SYNDIG1: variants seen among roughly 807,000 people sequenced by gnomAD.
SYNDIG1 encodes synapse differentiation inducing 1.
Under a neutral mutation model 19.4 loss-of-function variants are expected in SYNDIG1, and 9 were observed. The observed-to-expected ratio is 0.46, with a 90% CI of 0.28 to 0.81. SYNDIG1 has a LOEUF of 0.81. Ranked by LOEUF, SYNDIG1 falls within the 30% of genes least tolerant of loss-of-function variation. SYNDIG1 has a pLI of 0.12. For synonymous variants in SYNDIG1, 141 were observed against 145.9 expected (o/e 0.97, Z 0.24); for missense variants, 311 against 343.3 (o/e 0.91, Z 0.74).
At chr20:24,559,443 G>A (rs1365706656) in intron 2 of SYNDIG1, among the ~76,000 whole-genome samples, 1 of 152,084 alleles carries the variant, frequency 6.6e-6, no homozygotes, top group South Asian at 2.1e-4. Context: ...CCATAAATGT[G>A]TACAAATAAA....
chr20:24,588,151 A>C (rs1049541514), intron 3 of SYNDIG1, among the ~76,000 whole-genome samples: 3 of 152,104 alleles, frequency 2.0e-5, no homozygotes, highest in African/African-American at 7.2e-5. Flanking sequence ...AATGATTTCC[A>C]GGGTGTGCGG....
rs2147321574 is a variant in SYNDIG1, at chr20:24,636,148, A to G, written c.619-29198A>G. On this transcript the variant is annotated intron_variant, in intron 3 of 3. Transcript: ENST00000376862. ...AGTTTATATCCATATTTGCCGGTAT[A>G]TGAGACTGGGCTGCAAATAGGGTAC... Among the ~76,000 whole-genome samples the G allele has an allele frequency of 1.3e-5, 2 of 152,312 alleles. 1 individual carries two copies. The highest frequency in any genetic ancestry group is 4.1e-4 in the South Asian group (2 of 4,828).
chr20:24,584,981 C>A lies in SYNDIG1; in HGVS notation c.606C>A (p.Tyr202Ter), dbSNP rs753567279. ...CFWPLGIAAFYLSHETNKAVA... is the reference protein window; with the variant it reads ...CFWPLGIAAF ...GGCCTCTGGGCATCGCAGCCTTCTA[C>A]TTGTCCCATGAGGTAAGGCCTCCTT... is the stretch of plus-strand genomic sequence containing the variant. Residue 202 changes from tyrosine (Y) to a stop codon, truncating the protein, a stop_gained, in exon 3 of 4, where the codon TAC (tyrosine) becomes TAA (stop). Coordinates refer to ENST00000376862, the MANE Select transcript of SYNDIG1 (RefSeq NM_024893.3). LOFTEE classifies it high-confidence loss of function. 1 of 1,605,736 alleles carries A rather than the reference C, an allele frequency of 6.2e-7. No individual in the cohort carries two copies. The highest frequency in any genetic ancestry group is 8.5e-7 in the Non-Finnish European group (1 of 1,175,666).
chr20:24,627,108 G>A (rs2147269666), intron 3 of SYNDIG1, among the ~76,000 whole-genome samples: 1 of 151,440 alleles, frequency 6.6e-6, no homozygotes, highest in South Asian at 2.1e-4. Flanking sequence ...GGGGACCGTG[G>A]GGAGAGGGGG....
chr20:24,613,598 A>G (rs1182759644), intron 3 of SYNDIG1, among the ~76,000 whole-genome samples: 1 of 151,774 alleles, frequency 6.6e-6, no homozygotes, highest in Non-Finnish European at 1.5e-5. Flanking sequence ...GCACCTCCAC[A>G]CAGAGGCTCT....
rs1440359359 is a variant in SYNDIG1, at chr20:24,666,273, G to T, written c.*769G>T. 1 of 152,646 alleles carries T rather than the reference G, an allele frequency of 6.6e-6. No homozygotes were observed. The highest frequency in any genetic ancestry group is 1.9e-4 in the East Asian group (1 of 5,182). The allele number at this position is 152,646 out of a possible 1,614,324, so 9.5% of individuals were successfully genotyped here. A position where few individuals can be genotyped will look rare whatever the true frequency, so the allele number is the denominator to read the frequency against. On this transcript the variant is annotated 3_prime_UTR_variant, in exon 4 of 4. Transcript: ENST00000376862. The stretch of plus-strand genomic sequence containing the variant: ...CTCCTCAAGAAAGAGCCCCGCGGTT[G>T]CTCCGGAAACTCGAGGCACTGCAGC...
intron 2 of SYNDIG1, among the ~76,000 whole-genome samples, chr20:24,566,239 C>G (rs1022370565): frequency 1.3e-5 from 2 of 152,174 alleles, no homozygotes; most frequent in Admixed American, 1.3e-4. Context: ...CACAGGCTCC[C>G]TGAGGAGCAG....
At chr20:24,590,668 T>G (rs545457291) in intron 3 of SYNDIG1, among the ~76,000 whole-genome samples, 3 of 152,138 alleles carry the variant, frequency 2.0e-5, no homozygotes, top group Admixed American at 2.0e-4. Flanking sequence ...GACCAGGGGT[T>G]TCCTGCAGCC....
At chr20:24,522,718 G>T (rs1054678041) in intron 1 of SYNDIG1, among the ~76,000 whole-genome samples, 15 of 152,122 alleles carry the variant, frequency 9.9e-5, no homozygotes, top group Non-Finnish European at 1.8e-4. Flanking sequence ...AAGAAAAGAG[G>T]CTTATTTGGC....
intron 3 of SYNDIG1, among the ~76,000 whole-genome samples, chr20:24,587,247 T>A (rs2058432098): frequency 6.6e-6 from 1 of 152,314 alleles, no homozygotes; most frequent in African/African-American, 2.4e-5. Flanking sequence ...GCCTCCCTTT[T>A]CAGTGTGCTT....
At chr20:24,500,342 A>T (rs1228631218) in intron 1 of SYNDIG1, among the ~76,000 whole-genome samples, 1 of 152,170 alleles carries the variant, frequency 6.6e-6, no homozygotes, top group Non-Finnish European at 1.5e-5. Flanking sequence ...CAAAGAAAGG[A>T]TGGAGTCCTT....
chr20:24,479,863 C>T (rs2055747121), intron 1 of SYNDIG1, among the ~76,000 whole-genome samples: 1 of 152,154 alleles, frequency 6.6e-6, no homozygotes, highest in African/African-American at 2.4e-5. Flanking sequence ...GCAAGGCTGT[C>T]CTGTCAGTCC....
intron 1 of SYNDIG1, among the ~76,000 whole-genome samples, chr20:24,482,575 C>T (rs2055829490): frequency 1.3e-5 from 2 of 152,102 alleles, no homozygotes; most frequent in Non-Finnish European, 2.9e-5. Context: ...TGTGGCCACA[C>T]AACAGAACCA....
intron 2 of SYNDIG1, among the ~76,000 whole-genome samples, chr20:24,547,912 G>A (rs188554797): frequency 1.8e-4 from 27 of 152,326 alleles, no homozygotes; most frequent in African/African-American, 6.3e-4. Context: ...ACCAGATGTT[G>A]AATGGCACTT....
chr20:24,501,125 C>T (rs1158073357), intron 1 of SYNDIG1, among the ~76,000 whole-genome samples: 1 of 152,212 alleles, frequency 6.6e-6, no homozygotes, highest in Non-Finnish European at 1.5e-5. Flanking sequence ...ATGTAGATAA[C>T]ATCTATCTAC....
chr20:24,595,276 T>C (rs1402152799), intron 3 of SYNDIG1, among the ~76,000 whole-genome samples: 2 of 152,200 alleles, frequency 1.3e-5, no homozygotes, highest in African/African-American at 4.8e-5. Context: ...GATCTTATGG[T>C]TTTTGTTTTT....
chr20:24,552,136 G>C (rs1291721211), intron 2 of SYNDIG1, among the ~76,000 whole-genome samples: 1 of 151,926 alleles, frequency 6.6e-6, no homozygotes, highest in Admixed American at 6.6e-5. Flanking sequence ...GTGTTTTGGG[G>C]CTCCGTTGTT....
chr20:24,476,060 C>G (rs1299749482), intron 1 of SYNDIG1, among the ~76,000 whole-genome samples: 1 of 151,906 alleles, frequency 6.6e-6, no homozygotes, highest in East Asian at 2.0e-4. Context: ...GTGGTTTCAC[C>G]CTGTTGGCCA....
At chr20:24,544,238 T>A (rs2057529199) in intron 2 of SYNDIG1, among the ~76,000 whole-genome samples, 1 of 152,148 alleles carries the variant, frequency 6.6e-6, no homozygotes, top group Non-Finnish European at 1.5e-5. Context: ...GTGTGGCACA[T>A]TGTCCCCCCA....
Sources: gnomAD v4.1 joint callset for allele counts (sites outside exome capture counted in the v4.1 genomes callset) on GRCh38, gnomAD v4.1.1 for gene constraint, MANE v1.5 for transcripts, NCBI Gene and HGNC (gene_info 2026-07-23, HGNC 2026-07-21) for gene names.